The following LHX4 variants were observed in gnomAD, a reference collection of about 807,000 sequenced individuals.
LHX4 encodes the protein LIM homeobox 4.
In LHX4, 16 loss-of-function variants were observed where a neutral mutation model predicts 39.2. The observed-to-expected ratio is 0.41, with a 90% CI of 0.28 to 0.62. The LOEUF (loss-of-function observed/expected upper bound fraction) is 0.62, where lower values mean the gene tolerates loss of function less well. Among genes scored for constraint, LHX4 ranks in the 20% least tolerant of loss-of-function variants. The pLI is 0.33. For missense variants in LHX4, 439 were observed against 511.9 expected (o/e 0.86, Z 1.37); for synonymous variants, 206 against 198.1 (o/e 1.04, Z -0.33).
At chr1:180,228,850 G>A (rs12121448), upstream of LHX4, among the ~76,000 whole-genome samples, 24,307 of 152,218 alleles carry the variant, frequency 0.16, 2,238 homozygotes, top group Non-Finnish European at 0.21. Flanking sequence ...GGTTCTGGAA[G>A]GCTGGGGAGG....
chr1:180,229,968 G>GGGGGCGGGGT (rs1553278104), upstream of LHX4, among the ~76,000 whole-genome samples: 1 of 140,880 alleles, frequency 7.1e-6, no homozygotes, highest in Non-Finnish European at 1.6e-5. Context: ...GCGGGGAGGG[G>GGGGGCGGGGT]GGGGGGGTGC....
chr1:180,272,147 A>G lies in LHX4; in HGVS notation c.778+141A>G, dbSNP rs899786140. ...AGGCTTTTCCTTAAGACTTGCAGTG[A>G]AGGGTGGGGGAAATGGTAGTGGCCC... On this transcript the variant is annotated intron_variant, in intron 5 of 5. Coordinates refer to ENST00000263726, the MANE Select transcript of LHX4 (RefSeq NM_033343.4). 6 of 728,464 alleles carry G rather than the reference A, an allele frequency of 8.2e-6. No individual in the cohort carries two copies. The African/African-American group carries it at 1.1e-4, about 13-fold the overall frequency. 45.1% of individuals were successfully genotyped at this position (728,464 alleles called of 1,614,324 possible).
intron 2 of LHX4, among the ~76,000 whole-genome samples, chr1:180,262,225 C>T (rs1449096112): frequency 1.4e-5 from 2 of 147,294 alleles, no homozygotes; most frequent in African/African-American, 5.0e-5. Flanking sequence ...GAGTCTTGGA[C>T]CTTTCTTTCT....
At chr1:180,251,640 A>G (rs1373703465) in intron 2 of LHX4, among the ~76,000 whole-genome samples, 4 of 152,238 alleles carry the variant, frequency 2.6e-5, no homozygotes, top group Non-Finnish European at 5.9e-5. Context: ...GTGAGTTTAC[A>G]CGAGCTTTGG....
Position 180,274,697 on chromosome 1 carries a change from A to G in LHX4, c.*118A>G, listed in dbSNP as rs562421943. 9.0e-6 allele frequency: 11 copies of G among 1,219,642 alleles called. No individual in the cohort carries two copies. In the African/African-American group the frequency reaches 1.5e-4, roughly 17 times the overall value. The allele number at this position is 1,219,642 out of a possible 1,614,324, so 75.6% of individuals were successfully genotyped here. A position where few individuals can be genotyped will look rare whatever the true frequency, so the allele number is the denominator to read the frequency against. ...CCAATGTGAATTTCCATTATTTTCA[A>G]TGGAAGTCCTCCGCTGATTCCTAGA... On this transcript the variant is annotated 3_prime_UTR_variant, in exon 6 of 6. Coordinates refer to ENST00000263726, the MANE Select transcript of LHX4 (RefSeq NM_033343.4).
At position 180,277,823 on chromosome 1, in the gene LHX4, G is replaced by C. The variant is rs1241796627; in HGVS notation, c.*3244G>C. On this transcript the variant is annotated 3_prime_UTR_variant, in exon 6 of 6. Coordinates refer to ENST00000263726, the MANE Select transcript of LHX4 (RefSeq NM_033343.4). ...TGAATACTGTGAAACATCAGGGAAA[G>C]AGGAAAAAATTAAGCCACAAGAAAA... The C allele has an allele frequency of 6.8e-6, 1 of 146,968 alleles. No homozygotes were observed. Among genetic ancestry groups the C allele is most frequent in the Admixed American group, 6.8e-5 (1 of 14,688 alleles). The allele number at this position is 146,968 out of a possible 1,614,324, so 9.1% of individuals were successfully genotyped here.
At chr1:180,233,859 G>T (rs1664237885) in intron 1 of LHX4, among the ~76,000 whole-genome samples, 1 of 151,970 alleles carries the variant, frequency 6.6e-6, no homozygotes, top group South Asian at 2.1e-4. Flanking sequence ...GCAAGCTCTG[G>T]CGAACCCCGA....
intron 2 of LHX4, among the ~76,000 whole-genome samples, chr1:180,258,396 A>G (rs917829469): frequency 1.8e-4 from 28 of 152,300 alleles, no homozygotes; most frequent in African/African-American, 5.8e-4. Context: ...CTGGGATGCC[A>G]TAGTGCCTTG....
intron 1 of LHX4, among the ~76,000 whole-genome samples, chr1:180,233,595 A>G (rs2149251504): frequency 6.6e-6 from 1 of 152,312 alleles, no homozygotes; most frequent in South Asian, 2.1e-4. Flanking sequence ...ATGCCCTCTG[A>G]GGAGACGCGG....
At position 180,266,317 on chromosome 1, in the gene LHX4, G is replaced by C; in HGVS notation, c.249-75G>C. 4 of 1,455,284 alleles carry C rather than the reference G, an allele frequency of 2.7e-6. No individual in the cohort carries two copies. Among genetic ancestry groups the C allele is most frequent in the South Asian group, 2.3e-5 (2 of 87,738 alleles). 90.1% of individuals were successfully genotyped at this position (1,455,284 alleles called of 1,614,324 possible). The stretch of plus-strand genomic sequence containing the variant: ...CCCGGAGTGGTGGGGTAGGAGGGAG[G>C]CTGCTCCAGGAAGTTGGGGGAAGCC... On this transcript the variant is annotated intron_variant, in intron 2 of 5. Coordinates refer to ENST00000263726, the MANE Select transcript of LHX4 (RefSeq NM_033343.4). This position sits in a 1 kb window ranked among gnomAD's most constrained non-coding sequence, Gnocchi z 5.7.
chr1:180,258,397 T>C lies in LHX4; in HGVS notation c.249-7995T>C, dbSNP rs137860100. Among the ~76,000 whole-genome samples, 44 of 152,232 alleles carry C rather than the reference T, an allele frequency of 2.9e-4. No individual in the cohort carries two copies. In the East Asian group the frequency reaches 6.8e-3, roughly 23 times the overall value. On this transcript the variant is annotated intron_variant, in intron 2 of 5. Coordinates refer to ENST00000263726, the MANE Select transcript of LHX4 (RefSeq NM_033343.4). ...GAAAGGCGATGGCGCTGGGATGCCA[T>C]AGTGCCTTGGTGGCCGTTAGGGAGC...
At chr1:180,231,353 C>A (rs1031619124) in intron 1 of LHX4, among the ~76,000 whole-genome samples, 2 of 151,790 alleles carry the variant, frequency 1.3e-5, no homozygotes, top group African/African-American at 4.8e-5. Context: ...GCTTTGCTAG[C>A]CTGCCCGCCC....
At chr1:180,257,768 G>A (rs1425802861) in intron 2 of LHX4, among the ~76,000 whole-genome samples, 2 of 152,204 alleles carry the variant, frequency 1.3e-5, no homozygotes, top group African/African-American at 4.8e-5. Flanking sequence ...CCTCAGGACG[G>A]TGCACCGTTC....
intron 1 of LHX4, among the ~76,000 whole-genome samples, chr1:180,238,113 G>A (rs753363720): frequency 1.3e-5 from 2 of 152,078 alleles, no homozygotes; most frequent in African/African-American, 4.8e-5. Context: ...TTTGTTACTC[G>A]ACTCCTTATG....
intron 2 of LHX4, among the ~76,000 whole-genome samples, chr1:180,250,615 G>C (rs879597911): frequency 6.6e-6 from 1 of 152,188 alleles, no homozygotes; most frequent in Non-Finnish European, 1.5e-5. Context: ...CCAGTGTGGC[G>C]GCTCAGGGAA....
In LHX4 at chr1:180,266,772, C is replaced by T. The variant is rs1460620620; in HGVS notation, c.451+178C>T. On this transcript the variant is annotated intron_variant, in intron 3 of 5. Coordinates refer to ENST00000263726, the MANE Select transcript of LHX4 (RefSeq NM_033343.4). The surrounding 1 kb of genome is among the most constrained non-coding windows in gnomAD (Gnocchi z 5.7). Reference sequence around the variant, plus strand: ...ACTGAGAGTAAATGCTGAACACCTCCCCGGCCGTTAGCACTCGCCGGCTTC... The same window carrying T: ...ACTGAGAGTAAATGCTGAACACCTCTCCGGCCGTTAGCACTCGCCGGCTTC... 1.3e-5 allele frequency among the ~76,000 whole-genome samples: 2 copies of T among 152,198 alleles called. No homozygotes were observed. Among genetic ancestry groups the T allele is most frequent in the Non-Finnish European group, 2.9e-5 (2 of 68,030 alleles).
At chr1:180,238,117 C>T (rs1220920819) in intron 1 of LHX4, among the ~76,000 whole-genome samples, 1 of 152,186 alleles carries the variant, frequency 6.6e-6, no homozygotes, top group Non-Finnish European at 1.5e-5. Flanking sequence ...TTACTCGACT[C>T]CTTATGTTAA....
rs1491469242 is a variant in LHX4, at chr1:180,234,169, T to TTTTATA, written c.76+3565_76+3566insTTATAT. The stretch of plus-strand genomic sequence containing the variant: ...AACAGACACACACAACACACACAAA[T>TTTTATA]TATATATATATATATATATATATAT... On this transcript the variant is annotated intron_variant, in intron 1 of 5. Transcript: ENST00000263726. The surrounding 1 kb of genome is among the most constrained non-coding windows in gnomAD (Gnocchi z 4.8). Among the ~76,000 whole-genome samples, 5 of 53,608 alleles carry TTTTATA rather than the reference T, an allele frequency of 9.3e-5. No homozygotes were observed. The highest frequency in any genetic ancestry group is 2.5e-4 in the Admixed American group (1 of 4,012). 35.2% of individuals were successfully genotyped at this position (53,608 alleles called of 152,430 possible). A position where few individuals can be genotyped will look rare whatever the true frequency, so the allele number is the denominator to read the frequency against.
At chr1:180,231,903 G>T (rs2149250918) in intron 1 of LHX4, among the ~76,000 whole-genome samples, 1 of 152,294 alleles carries the variant, frequency 6.6e-6, no homozygotes, top group South Asian at 2.1e-4. Context: ...GAAGGGACTA[G>T]AAAAGAATAG....
Sources: allele counts gnomAD v4.1 joint callset (sites outside exome capture counted in the v4.1 genomes callset), GRCh38; gene constraint gnomAD v4.1.1; non-coding constraint Gnocchi (gnomAD v3.1); transcripts MANE v1.5; gene names NCBI Gene and HGNC (gene_info 2026-07-23, HGNC 2026-07-21).